TBC1D19: variants seen among roughly 807,000 people sequenced by gnomAD.
TBC1D19 encodes TBC1 domain family, member 19.
A neutral mutation model predicts 89.0 loss-of-function variants in TBC1D19; 60 were observed. The ratio of observed to expected loss-of-function variants is 0.67; its 90% CI spans 0.55 to 0.84. The LOEUF is 0.84. Ranked by LOEUF, TBC1D19 falls within the 40% of genes least tolerant of loss-of-function variation. The probability of loss-of-function intolerance (pLI) is 0.00; values close to 1 mark genes in which losing one functional copy is unlikely to be tolerated. For missense variants in TBC1D19, 500 were observed against 610.8 expected (o/e 0.82, Z 1.91); for synonymous variants, 189 against 199.7 (o/e 0.95, Z 0.45).
At chr4:26,737,943 C>T (rs1216130139) in intron 16 of TBC1D19, among the ~76,000 whole-genome samples, 1 of 151,882 alleles carries the variant, frequency 6.6e-6, no homozygotes, top group Non-Finnish European at 1.5e-5. Context: ...TCTATTTATG[C>T]AGATTAATGA....
At chr4:26,848,932 C>T in the TBC1D19 span, among the ~76,000 whole-genome samples, 1 of 152,112 alleles carries the variant, frequency 6.6e-6, no homozygotes, top group African/African-American at 2.4e-5. Flanking sequence ...GTGTCTCACA[C>T]CTGTAATACC....
the TBC1D19 span, among the ~76,000 whole-genome samples, chr4:26,791,650 C>G: frequency 6.6e-6 from 1 of 152,144 alleles, no homozygotes; most frequent in African/African-American, 2.4e-5. Flanking sequence ...ATATTTGGAA[C>G]ATAAAGCCGA....
chr4:26,743,405 A>C (rs910556485), intron 18 of TBC1D19, among the ~76,000 whole-genome samples: 2 of 152,116 alleles, frequency 1.3e-5, no homozygotes, highest in Admixed American at 1.3e-4. Context: ...ATCCAGATTC[A>C]AATTCCATTT....
At chr4:26,586,441 A>C (rs1266269432) in intron 1 of TBC1D19, among the ~76,000 whole-genome samples, 1 of 152,024 alleles carries the variant, frequency 6.6e-6, no homozygotes. Flanking sequence ...TATTTTGGCT[A>C]TTCTAGGTCC....
chr4:26,597,523 CTT>C (rs1223042517), intron 1 of TBC1D19, among the ~76,000 whole-genome samples: 1 of 115,120 alleles, frequency 8.7e-6, no homozygotes, highest in African/African-American at 3.4e-5. Flanking sequence ...CAGCTAGAGT[CTT>C]TTTTTTTTTT....
the TBC1D19 span, among the ~76,000 whole-genome samples, chr4:26,764,991 T>A: frequency 6.6e-6 from 1 of 151,896 alleles, no homozygotes; most frequent in Non-Finnish European, 1.5e-5. Flanking sequence ...TATGAGGAAG[T>A]CAAAAAACCA....
chr4:26,849,974 C>A, the TBC1D19 span, among the ~76,000 whole-genome samples: 2 of 152,044 alleles, frequency 1.3e-5, no homozygotes, highest in Non-Finnish European at 2.9e-5. Context: ...GCCACTCTAC[C>A]ATTTGATTGG....
the TBC1D19 span, among the ~76,000 whole-genome samples, chr4:26,810,279 T>C: frequency 2.6e-5 from 4 of 152,196 alleles, 1 homozygote; most frequent in Admixed American, 2.6e-4. Context: ...TCGGATCATC[T>C]CCCAATGAAC....
At chr4:26,754,248 G>A in intron 20 of TBC1D19, 1 of 199,630 alleles carries the variant, frequency 5.0e-6, no homozygotes, top group Non-Finnish European at 1.0e-5. Context: ...GAGAATTAAA[G>A]AGCATGTATT....
At chr4:26,607,501 TTAAG>T (rs1741086733) in intron 1 of TBC1D19, among the ~76,000 whole-genome samples, 1 of 152,006 alleles carries the variant, frequency 6.6e-6, no homozygotes, top group Non-Finnish European at 1.5e-5. Context: ...TACAGAGAGG[TTAAG>T]TGACTTGAAC....
At chr4:26,785,333 C>A in the TBC1D19 span, among the ~76,000 whole-genome samples, 1 of 152,152 alleles carries the variant, frequency 6.6e-6, no homozygotes, top group Non-Finnish European at 1.5e-5. Context: ...GTAAGATAGA[C>A]CTTGCTGAAA....
chr4:26,832,895 G>T, the TBC1D19 span, among the ~76,000 whole-genome samples: 1 of 152,156 alleles, frequency 6.6e-6, no homozygotes, highest in Non-Finnish European at 1.5e-5. Context: ...TAGGGAGGCT[G>T]AGACAAGAAA....
intron 1 of TBC1D19, among the ~76,000 whole-genome samples, chr4:26,589,773 A>C (rs1739648319): frequency 6.6e-6 from 1 of 152,172 alleles, no homozygotes; most frequent in Admixed American, 6.5e-5. Flanking sequence ...AAAGCAGTGA[A>C]TTACTGCCTT....
intron 11 of TBC1D19, among the ~76,000 whole-genome samples, chr4:26,681,530 G>A (rs1343707356): frequency 7.2e-5 from 11 of 151,884 alleles, no homozygotes; most frequent in East Asian, 5.8e-4. Context: ...CAGCCTGGGC[G>A]ACAGAGTGAG....
At chr4:26,660,557 C>T (rs774938042) in intron 8 of TBC1D19, among the ~76,000 whole-genome samples, 3 of 152,136 alleles carry the variant, frequency 2.0e-5, no homozygotes, top group African/African-American at 4.8e-5. Flanking sequence ...TGCCAGCAGG[C>T]CTGATGTTAG....
chr4:26,646,110 G>A (rs1210541117), intron 7 of TBC1D19, among the ~76,000 whole-genome samples: 5 of 129,472 alleles, frequency 3.9e-5, no homozygotes, highest in African/African-American at 6.1e-5. Context: ...GCGACAGAGC[G>A]AGACTCCGTC....
chr4:26,849,200 A>AC, the TBC1D19 span, among the ~76,000 whole-genome samples: 3 of 74,558 alleles, frequency 4.0e-5, no homozygotes, highest in East Asian at 1.0e-3. Context: ...ACACACACAC[A>AC]AACACACACA....
At chr4:26,808,283 C>T in the TBC1D19 span, among the ~76,000 whole-genome samples, 1 of 152,260 alleles carries the variant, frequency 6.6e-6, no homozygotes, top group Non-Finnish European at 1.5e-5. Context: ...TACACAAGTT[C>T]CCTGGCACGT....
intron 1 of TBC1D19, among the ~76,000 whole-genome samples, chr4:26,602,434 T>C (rs1169155638): frequency 7.4e-6 from 1 of 134,698 alleles, no homozygotes; most frequent in African/African-American, 2.7e-5. Flanking sequence ...CCTATTGTAT[T>C]CTTTTTTTTT....
Sources: allele counts gnomAD v4.1 joint callset (sites outside exome capture counted in the v4.1 genomes callset), GRCh38; gene constraint gnomAD v4.1.1; transcripts MANE v1.5; gene names NCBI Gene and HGNC (gene_info 2026-07-23, HGNC 2026-07-21).